Variants in DAW1 observed in about 807,000 individuals in gnomAD.
DAW1 encodes dynein assembly factor with WD repeat domains 1.
A neutral mutation model predicts 56.5 loss-of-function variants in DAW1; 47 were observed. That is an observed-to-expected ratio of 0.83 (90% CI 0.66 to 1.06). The LOEUF is 1.06. Ranked by LOEUF, DAW1 falls within the 50% of genes least tolerant of loss-of-function variation. The pLI, the probability that DAW1 is intolerant of heterozygous loss-of-function variation, is 0.00. For missense variants in DAW1, 505 were observed against 499.3 expected (o/e 1.01, Z -0.11); for synonymous variants, 190 against 179.0 (o/e 1.06, Z -0.49).
At chr2:227,884,723 C>T (rs1691084291) in intron 1 of DAW1, among the ~76,000 whole-genome samples, 1 of 152,176 alleles carries the variant, frequency 6.6e-6, no homozygotes, top group African/African-American at 2.4e-5. Context: ...TTTGCTGAGG[C>T]TGCCTCAGTG....
intron 6 of DAW1, among the ~76,000 whole-genome samples, chr2:227,900,674 G>A (rs116479278): frequency 0.014 from 2,156 of 152,284 alleles, 41 homozygotes; most frequent in African/African-American, 0.049. Context: ...AGTGATGTGT[G>A]CCTGAAACTC....
chr2:227,891,576 C>A (rs895514575), intron 4 of DAW1, among the ~76,000 whole-genome samples: 1 of 152,164 alleles, frequency 6.6e-6, no homozygotes, highest in African/African-American at 2.4e-5. Context: ...ATGAGTCGGG[C>A]AGGGTGGCCT....
Position 227,921,499 on chromosome 2 carries a change from A to G in DAW1, c.1151A>G (p.Glu384Gly), listed in dbSNP as rs765174337. 2 of 1,613,806 alleles carry G rather than the reference A, an allele frequency of 1.2e-6. No homozygotes were observed. The highest frequency in any genetic ancestry group is 2.2e-5 in the South Asian group (2 of 91,074). Residue 384 changes from glutamate to glycine, a missense_variant, in exon 12 of 13, where the codon GAG (glutamate) becomes GGG (glycine). Transcript: ENST00000309931. ...ACTGGCCAGTGCCTCCAGGTTCTTG[A>G]GGGGCACACTGATGAAATCTTTTCA... ...AQTGQCLQVLEGHTDEIFSCA... is the reference protein window; with the variant it reads ...AQTGQCLQVLGGHTDEIFSCA...
chr2:227,877,649 G>A (rs1690911078), intron 1 of DAW1, among the ~76,000 whole-genome samples: 1 of 152,238 alleles, frequency 6.6e-6, no homozygotes, highest in South Asian at 2.1e-4. Context: ...TGTTCCACCT[G>A]TGATCATCAG....
At chr2:227,906,174 A>G (rs1691675621) in intron 8 of DAW1, 62 bp from the exon 9 acceptor site, 3 of 1,341,498 alleles carry the variant, frequency 2.2e-6, no homozygotes, top group Admixed American at 3.7e-5. Context: ...TGGCCTCATT[A>G]TTCATGTGCA....
chr2:227,894,289 G>A (rs1691354730), intron 5 of DAW1, among the ~76,000 whole-genome samples: 1 of 151,926 alleles, frequency 6.6e-6, no homozygotes. Context: ...GGTGGCGCAT[G>A]CCTGTAGTCC....
intron 11 of DAW1, 94 bp from the exon 12 acceptor site, chr2:227,921,305 C>CCT: frequency 2.3e-6 from 1 of 433,922 alleles, no homozygotes; most frequent in Non-Finnish European, 3.6e-6. Flanking sequence ...CTGTAATGTC[C>CCT]TTTTTTTTTT....
At chr2:227,911,184 A>G (rs1194607553) in intron 10 of DAW1, among the ~76,000 whole-genome samples, 2 of 148,988 alleles carry the variant, frequency 1.3e-5, no homozygotes, top group Admixed American at 6.7e-5. Flanking sequence ...AGTTATATAT[A>G]TATGTATACA....
intron 12 of DAW1, among the ~76,000 whole-genome samples, chr2:227,922,188 T>G (rs1692125769): frequency 6.6e-6 from 1 of 152,196 alleles, no homozygotes; most frequent in African/African-American, 2.4e-5. Flanking sequence ...TAAGTGTTAG[T>G]AACCAAAACA....
rs1692075227 is a variant in DAW1, at chr2:227,920,369, T to C, written c.1051-1030T>C. On this transcript the variant is annotated intron_variant, in intron 11 of 12. Coordinates refer to ENST00000309931, the MANE Select transcript of DAW1 (RefSeq NM_178821.3). ...AGAGTGATAAAAACAGATACGGCCC[T>C]GCCCTCCTCAAACCTTCAGTCATTG... 3.3e-5 allele frequency among the ~76,000 whole-genome samples: 5 copies of C among 152,296 alleles called. No homozygotes were observed. In the South Asian group the frequency reaches 8.3e-4, roughly 25 times the overall value.
chr2:227,914,436 T>A (rs146894814), intron 10 of DAW1, among the ~76,000 whole-genome samples: 6 of 152,212 alleles, frequency 3.9e-5, no homozygotes, highest in African/African-American at 1.2e-4. Flanking sequence ...GTGATCTATG[T>A]TACTTGTCAT....
intron 5 of DAW1, among the ~76,000 whole-genome samples, chr2:227,897,963 A>G (rs1232301857): frequency 6.6e-6 from 1 of 152,144 alleles, no homozygotes; most frequent in Non-Finnish European, 1.5e-5. Context: ...AAACAAATAT[A>G]CCTATAACTT....
chr2:227,889,058 C>T (rs1691197426), intron 2 of DAW1, among the ~76,000 whole-genome samples: 1 of 152,102 alleles, frequency 6.6e-6, no homozygotes, highest in African/African-American at 2.4e-5. Context: ...AAAAGCATTA[C>T]ATTAGCAGAT....
At chr2:227,916,497 G>A (rs1691955487) in intron 10 of DAW1, among the ~76,000 whole-genome samples, 1 of 152,080 alleles carries the variant, frequency 6.6e-6, no homozygotes, top group African/African-American at 2.4e-5. Flanking sequence ...ATGTCAATGT[G>A]CATGTCATCT....
chr2:227,891,182 C>T, intron 3 of DAW1, 73 bp from the exon 4 acceptor site: 1 of 1,355,444 alleles, frequency 7.4e-7, no homozygotes, highest in Non-Finnish European at 1.0e-6. Flanking sequence ...TGAATGTCTT[C>T]ATTGGTTTGA....
Position 227,894,002 on chromosome 2 carries a change from G to A in DAW1, c.440+85G>A, listed in dbSNP as rs78939482. The A allele has an allele frequency of 8.9e-3, 12,466 of 1,397,064 alleles. 975 individuals carry two copies. In the African/African-American group the frequency reaches 0.16, roughly 18 times the overall value. 86.5% of individuals were successfully genotyped at this position (1,397,064 alleles called of 1,614,324 possible). A position where few individuals can be genotyped will look rare whatever the true frequency, so the allele number is the denominator to read the frequency against. ...TGGGGAGAAAGGGAAGAAGACAAGAGGTCTAAATTTATTGAGTGCTTGGTA... is the reference window on the plus strand; with the variant it reads ...TGGGGAGAAAGGGAAGAAGACAAGAAGTCTAAATTTATTGAGTGCTTGGTA... On this transcript the variant is annotated intron_variant, in intron 5 of 12. Coordinates refer to ENST00000309931, the MANE Select transcript of DAW1 (RefSeq NM_178821.3).
rs112147110 is a variant in DAW1, at chr2:227,896,320, T to C, written c.441-1862T>C. Reference sequence around the variant, plus strand: ...TATTTAAAGGATATTCTCTATAACATAATGCCATATCCTTTAATAGTCTAC... The same window carrying C: ...TATTTAAAGGATATTCTCTATAACACAATGCCATATCCTTTAATAGTCTAC... On this transcript the variant is annotated intron_variant, in intron 5 of 12. Transcript: ENST00000309931. Among the ~76,000 whole-genome samples the C allele has an allele frequency of 4.2e-3, 640 of 152,340 alleles. 6 individuals are homozygous for C. The highest frequency in any genetic ancestry group is 0.015 in the African/African-American group (622 of 41,584).
chr2:227,905,780 A>T (rs1691661984), intron 8 of DAW1, among the ~76,000 whole-genome samples: 1 of 150,672 alleles, frequency 6.6e-6, no homozygotes, highest in South Asian at 2.1e-4. Flanking sequence ...TTTGAGACGG[A>T]GTCTCGCTCT....
intron 1 of DAW1, among the ~76,000 whole-genome samples, chr2:227,874,988 AG>A (rs879583327): frequency 0.43 from 60,498 of 141,948 alleles, 12,383 homozygotes; most frequent in Admixed American, 0.53. Flanking sequence ...ACAAACAAAC[AG>A]AAAAACAAAA....
Sources: gnomAD v4.1 joint callset for allele counts (sites outside exome capture counted in the v4.1 genomes callset) on GRCh38, gnomAD v4.1.1 for gene constraint, MANE v1.5 for transcripts, NCBI Gene and HGNC (gene_info 2026-07-23, HGNC 2026-07-21) for gene names.